Variants in GRID2 observed in about 807,000 individuals in gnomAD.
GRID2 encodes glutamate ionotropic receptor delta type subunit 2.
Under a neutral mutation model 114.8 loss-of-function variants are expected in GRID2, and 33 were observed. The ratio of observed to expected loss-of-function variants is 0.29; its 90% confidence interval spans 0.22 to 0.38. GRID2 has a LOEUF of 0.38. GRID2 is among the 10% of genes least tolerant of loss of function. GRID2 has a pLI of 1.00. For missense variants in GRID2, 1,184 were observed against 1,257.7 expected (o/e 0.94, Z 0.89); for synonymous variants, 505 against 449.9 (o/e 1.12, Z -1.55).
intron 14 of GRID2, among the ~76,000 whole-genome samples, chr4:93,689,192 C>T (rs1726333285): frequency 6.6e-6 from 1 of 152,008 alleles, no homozygotes. Flanking sequence ...TCTCAGTCTT[C>T]TAGCCTCCAA....
At chr4:92,694,726 T>C (rs540741971) in intron 2 of GRID2, among the ~76,000 whole-genome samples, 40 of 152,302 alleles carry the variant, frequency 2.6e-4, no homozygotes, top group African/African-American at 9.4e-4. Context: ...TAAATTCAAA[T>C]AGTTACCAAA....
chr4:93,023,470 G>T (rs966623277), intron 2 of GRID2, among the ~76,000 whole-genome samples: 1 of 151,778 alleles, frequency 6.6e-6, no homozygotes. Context: ...ACATATGTCC[G>T]TTTTCTGTAA....
At chr4:92,854,070 CA>C (rs1056197015) in intron 2 of GRID2, among the ~76,000 whole-genome samples, 5 of 151,328 alleles carry the variant, frequency 3.3e-5, no homozygotes, top group Non-Finnish European at 7.4e-5. Flanking sequence ...GCCAGAGGAC[CA>C]AAATTCTTTT....
chr4:92,865,047 C>A (rs1390604707), intron 2 of GRID2, among the ~76,000 whole-genome samples: 1 of 152,102 alleles, frequency 6.6e-6, no homozygotes, highest in South Asian at 2.1e-4. Context: ...TGTATTAAAT[C>A]AATATAGAAG....
chr4:93,558,778 A>G (rs891137114), intron 13 of GRID2, among the ~76,000 whole-genome samples: 1 of 152,162 alleles, frequency 6.6e-6, no homozygotes, highest in Admixed American at 6.5e-5. Context: ...CAGAAACACA[A>G]CAAAAAAAAG....
intron 4 of GRID2, chr4:93,164,810 C>T (rs1042616277): frequency 1.1e-4 from 41 of 380,262 alleles, no homozygotes; most frequent in Admixed American, 3.0e-4. Context: ...CAGACACTTA[C>T]GTGACAATTG....
At position 93,026,050 on chromosome 4, in the gene GRID2, G is replaced by A. The variant is rs554838172; in HGVS notation, c.245-58945G>A. On this transcript the variant is annotated intron_variant, in intron 2 of 15. Transcript: ENST00000282020. ...TTGATAATTTTCTAATTCATTTAAAGATGTATTATAATTTCTTTCACTGAG... is the reference window on the plus strand; with the variant it reads ...TTGATAATTTTCTAATTCATTTAAAAATGTATTATAATTTCTTTCACTGAG... 2.0e-4 allele frequency among the ~76,000 whole-genome samples: 31 copies of A among 151,850 alleles called. 1 individual carries two copies. The South Asian group carries it at 6.4e-3, about 31-fold the overall frequency.
At chr4:92,925,904 A>C (rs552262117) in intron 2 of GRID2, among the ~76,000 whole-genome samples, 6 of 152,126 alleles carry the variant, frequency 3.9e-5, no homozygotes, top group African/African-American at 1.4e-4. Context: ...AGTTAGTTTT[A>C]GATGTAATAT....
chr4:93,151,773 C>G (rs1243305137), intron 4 of GRID2, among the ~76,000 whole-genome samples: 3 of 151,946 alleles, frequency 2.0e-5, no homozygotes, highest in Non-Finnish European at 4.4e-5. Context: ...AATATTGTTT[C>G]TGGAGAAAAA....
chr4:93,631,110 G>A (rs778571884), intron 14 of GRID2, among the ~76,000 whole-genome samples: 2 of 152,116 alleles, frequency 1.3e-5, no homozygotes, highest in Non-Finnish European at 2.9e-5. Flanking sequence ...CAAACCCAGA[G>A]TCTGGCTCCA....
intron 2 of GRID2, among the ~76,000 whole-genome samples, chr4:92,903,098 T>C (rs1265944955): frequency 6.6e-6 from 1 of 151,966 alleles, no homozygotes; most frequent in African/African-American, 2.4e-5. Context: ...AAACATTACA[T>C]TGTAATTTTA....
rs565470920 is a variant in GRID2, at chr4:93,734,635, T to C, written c.2361-34575T>C. Among the ~76,000 whole-genome samples, 69 of 152,140 alleles carry C rather than the reference T, an allele frequency of 4.5e-4. 1 individual carries two copies. Among genetic ancestry groups the C allele is most frequent in the Admixed American group, 1.2e-3 (19 of 15,262 alleles). ...GCAGAAGAATGAACTTGGAGAATTC[T>C]ATCACCGACAGCCCAGACAACAGAC... On this transcript the variant is annotated intron_variant, in intron 14 of 15. Coordinates refer to ENST00000282020, the MANE Select transcript of GRID2 (RefSeq NM_001510.4).
intron 2 of GRID2, among the ~76,000 whole-genome samples, chr4:92,966,385 C>T (rs1753158955): frequency 6.6e-6 from 1 of 151,942 alleles, no homozygotes; most frequent in South Asian, 2.1e-4. Flanking sequence ...CCTTGACCTA[C>T]TTTTTGGAAG....
At chr4:93,501,641 G>C (rs1171800503) in intron 12 of GRID2, among the ~76,000 whole-genome samples, 2 of 151,954 alleles carry the variant, frequency 1.3e-5, no homozygotes, top group African/African-American at 4.8e-5. Context: ...AAGTATATTG[G>C]TCTTTCAAAG....
At chr4:92,631,223 A>G (rs1730796010) in intron 2 of GRID2, among the ~76,000 whole-genome samples, 1 of 152,084 alleles carries the variant, frequency 6.6e-6, no homozygotes, top group South Asian at 2.1e-4. Flanking sequence ...ATCAGTGTCC[A>G]TACAACACCA....
At chr4:93,316,051 A>G (rs1263940292) in intron 8 of GRID2, among the ~76,000 whole-genome samples, 2 of 152,052 alleles carry the variant, frequency 1.3e-5, no homozygotes, top group Non-Finnish European at 2.9e-5. Flanking sequence ...AGTGTGGTGG[A>G]GGCATACCTG....
intron 2 of GRID2, among the ~76,000 whole-genome samples, chr4:92,980,850 A>G (rs574785509): frequency 1.3e-5 from 2 of 152,200 alleles, no homozygotes; most frequent in South Asian, 4.1e-4. Context: ...AAAATGTGGC[A>G]AATTATCCCA....
intron 2 of GRID2, among the ~76,000 whole-genome samples, chr4:92,634,123 A>C (rs911681993): frequency 6.7e-6 from 1 of 149,352 alleles, no homozygotes; most frequent in Non-Finnish European, 1.5e-5. Flanking sequence ...GCAAAAAAAA[A>C]AACAACAAAA....
At chr4:93,478,475 T>G (rs1725536045) in intron 11 of GRID2, among the ~76,000 whole-genome samples, 2 of 151,834 alleles carry the variant, frequency 1.3e-5, no homozygotes, top group Non-Finnish European at 2.9e-5. Flanking sequence ...TAACATATTT[T>G]TATTTGCTCA....
Sources: gnomAD v4.1 joint callset for allele counts (sites outside exome capture counted in the v4.1 genomes callset) on GRCh38, gnomAD v4.1.1 for gene constraint, MANE v1.5 for transcripts, NCBI Gene and HGNC (gene_info 2026-07-23, HGNC 2026-07-21) for gene names.